USP49: variants seen among roughly 807,000 people sequenced by gnomAD.
USP49 encodes ubiquitin specific peptidase 49.
USP49 carries 24 observed loss-of-function variants against 58.6 expected under a neutral mutation model. The ratio of observed to expected loss-of-function variants is 0.41; its 90% CI spans 0.30 to 0.58. The LOEUF (loss-of-function observed/expected upper bound fraction) is 0.58. Among genes scored for constraint, USP49 ranks in the 20% least tolerant of loss-of-function variants. The pLI, the probability that USP49 is intolerant of heterozygous loss-of-function variation, is 0.30. For synonymous variants in USP49, 408 were observed against 365.1 expected (o/e 1.12, Z -1.34); for missense variants, 703 against 866.1 (o/e 0.81, Z 2.36).
chr6:41,875,982 G>A (rs1016248747), intron 2 of USP49, among the ~76,000 whole-genome samples: 9 of 151,984 alleles, frequency 5.9e-5, no homozygotes, highest in Admixed American at 4.6e-4. Flanking sequence ...CACCTGCCTC[G>A]GCCTCCCAAA....
intron 3 of USP49, among the ~76,000 whole-genome samples, chr6:41,850,794 G>A (rs910526458): frequency 3.3e-5 from 5 of 151,750 alleles, no homozygotes; most frequent in East Asian, 1.9e-4. Context: ...GTAGAGATGC[G>A]GTTTCACCAT....
At chr6:41,819,764 C>T (rs1208691420) in intron 3 of USP49, among the ~76,000 whole-genome samples, 1 of 152,120 alleles carries the variant, frequency 6.6e-6, no homozygotes, top group Non-Finnish European at 1.5e-5. Flanking sequence ...ACTAGACCTC[C>T]CTGATTCAAT....
chr6:41,795,783 C>T lies in USP49; in HGVS notation c.*750G>A, dbSNP rs1353012557. On this transcript the variant is annotated 3_prime_UTR_variant, in exon 8 of 8. Transcript: ENST00000682992. Reference sequence around the variant, plus strand: ...AGATAGCCAGGAGTGTCCTTTGGCTCAGCATGGAACATGTGCTAGTCTATT... The same window carrying T: ...AGATAGCCAGGAGTGTCCTTTGGCTTAGCATGGAACATGTGCTAGTCTATT... 6.6e-6 allele frequency: 1 copy of T among 152,208 alleles called. No individual in the cohort carries two copies. The highest frequency in any genetic ancestry group is 1.5e-5 in the Non-Finnish European group (1 of 68,044). The allele number at this position is 152,208 out of a possible 1,614,324, so 9.4% of individuals were successfully genotyped here. A position where few individuals can be genotyped will look rare whatever the true frequency, so the allele number is the denominator to read the frequency against.
rs1774412509 is a variant in USP49, at chr6:41,871,546, A to T, written c.-29+18T>A. The T allele has an allele frequency of 6.6e-6, 1 of 152,204 alleles. No individual in the cohort carries two copies. The allele number at this position is 152,204 out of a possible 1,614,324, so 9.4% of individuals were successfully genotyped here. A position where few individuals can be genotyped will look rare whatever the true frequency, so the allele number is the denominator to read the frequency against. On this transcript the variant is annotated intron_variant, in intron 3 of 7. Coordinates refer to ENST00000682992, the MANE Select transcript of USP49 (RefSeq NM_001286554.2). Reference sequence around the variant, plus strand: ...TAGCTTTCATTAATAATGTTTTATTACAGTTTTTATTTCTTACCCATTAAA... The same window carrying T: ...TAGCTTTCATTAATAATGTTTTATTTCAGTTTTTATTTCTTACCCATTAAA...
At position 41,796,244 on chromosome 6, in the gene USP49, C is replaced by CG. The variant is rs1772884296; in HGVS notation, c.*288_*289insC. Reference sequence around the variant, plus strand: ...TGTGTGGATATGATTGATTTACCCCCCCGCCCCGCTTTCCTCCACCCAGAT... The same window carrying CG: ...TGTGTGGATATGATTGATTTACCCCCGCCGCCCCGCTTTCCTCCACCCAGAT... On this transcript the variant is annotated 3_prime_UTR_variant, in exon 8 of 8. Coordinates refer to ENST00000682992, the MANE Select transcript of USP49 (RefSeq NM_001286554.2). 1 of 306,334 alleles carries CG rather than the reference C, an allele frequency of 3.3e-6. No homozygotes were observed. Among genetic ancestry groups the CG allele is most frequent in the Non-Finnish European group, 6.2e-6 (1 of 162,286 alleles). 19.0% of individuals were successfully genotyped at this position (306,334 alleles called of 1,614,324 possible). A position where few individuals can be genotyped will look rare whatever the true frequency, so the allele number is the denominator to read the frequency against.
At chr6:41,885,941 G>C (rs1025533338) in intron 2 of USP49, among the ~76,000 whole-genome samples, 4 of 152,206 alleles carry the variant, frequency 2.6e-5, no homozygotes, top group African/African-American at 7.2e-5. Flanking sequence ...CTTCATTAAA[G>C]CACACTTACC....
chr6:41,874,020 G>A (rs757322193), intron 2 of USP49: 8 of 152,128 alleles, frequency 5.3e-5, no homozygotes, highest in Non-Finnish European at 1.2e-4. Context: ...TGTGGAAGAC[G>A]TCCCTTTAAA....
chr6:41,879,252 A>G (rs974599538), intron 2 of USP49, among the ~76,000 whole-genome samples: 2 of 152,172 alleles, frequency 1.3e-5, no homozygotes, highest in Non-Finnish European at 2.9e-5. Context: ...TTTTTGAAAC[A>G]GGGTCTTCCT....
chr6:41,869,919 C>A (rs754287623), intron 3 of USP49, among the ~76,000 whole-genome samples: 2 of 152,166 alleles, frequency 1.3e-5, no homozygotes, highest in Non-Finnish European at 2.9e-5. Flanking sequence ...CATATACACC[C>A]TAAGATATAC....
At position 41,803,686 on chromosome 6, in the gene USP49, T is replaced by C; in HGVS notation, c.1561+120A>G. 1 of 1,059,132 alleles carries C rather than the reference T, an allele frequency of 9.4e-7. No homozygotes were observed. The highest frequency in any genetic ancestry group is 1.4e-6 in the Non-Finnish European group (1 of 732,272). The allele number at this position is 1,059,132 out of a possible 1,614,324, so 65.6% of individuals were successfully genotyped here. A position where few individuals can be genotyped will look rare whatever the true frequency, so the allele number is the denominator to read the frequency against. On this transcript the variant is annotated intron_variant, in intron 5 of 7. Coordinates refer to ENST00000682992, the MANE Select transcript of USP49 (RefSeq NM_001286554.2). The surrounding 1 kb of genome is among the most constrained non-coding windows in gnomAD (Gnocchi z 4.1). ...ATGGGAGAAAAAGATCTTTAAAAGA[T>C]GCTTTAGAACCATTCAATATCATTA...
chr6:41,881,078 G>A (rs1174630444), intron 2 of USP49, among the ~76,000 whole-genome samples: 1 of 151,418 alleles, frequency 6.6e-6, no homozygotes, highest in Non-Finnish European at 1.5e-5. Context: ...GATTACAGGC[G>A]CCTGCCACCA....
At chr6:41,889,852 G>T (rs1582042354) in intron 2 of USP49, among the ~76,000 whole-genome samples, 1 of 152,232 alleles carries the variant, frequency 6.6e-6, no homozygotes, top group East Asian at 1.9e-4. Context: ...GAGAGAAAAT[G>T]ATAAAGCAAA....
chr6:41,792,377 A>G lies in USP49; in HGVS notation c.*4156T>C, dbSNP rs1275419307. ...GAATCATTTTTGTTTGACTTCTGCTATATGTTGCCCAGCATTAGTCATTGT... is the reference window on the plus strand; with the variant it reads ...GAATCATTTTTGTTTGACTTCTGCTGTATGTTGCCCAGCATTAGTCATTGT... On this transcript the variant is annotated 3_prime_UTR_variant, in exon 8 of 8. Transcript: ENST00000682992. The G allele has an allele frequency of 2.0e-5, 3 of 152,244 alleles. No individual in the cohort carries two copies. The highest frequency in any genetic ancestry group is 4.8e-5 in the African/African-American group (2 of 41,460). 9.4% of individuals were successfully genotyped at this position (152,244 alleles called of 1,614,324 possible).
rs1273852501 is a variant in USP49 at position 41,794,535 on chromosome 6, T to C, written c.*1998A>G. On this transcript the variant is annotated 3_prime_UTR_variant, in exon 8 of 8. Transcript: ENST00000682992. The stretch of plus-strand genomic sequence containing the variant: ...ATTCATAGTTTCCTTTCCTTTTTAC[T>C]CTCCTTGGTTTTTTTGAGTTAATGG... 6.6e-6 allele frequency: 1 copy of C among 152,192 alleles called. No individual in the cohort carries two copies. Among genetic ancestry groups the C allele is most frequent in the Non-Finnish European group, 1.5e-5 (1 of 68,034 alleles). 9.4% of individuals were successfully genotyped at this position (152,192 alleles called of 1,614,324 possible).
In USP49 at chr6:41,805,838, G is replaced by C. The variant is rs2185798; in HGVS notation, c.1146C>G (p.Leu382=). 0.5 allele frequency: 808,779 copies of C among 1,613,604 alleles called. 205,419 individuals are homozygous for C. The highest frequency in any genetic ancestry group is 0.7 in the Admixed American group (41,694 of 59,976). ...CAGGGATCAGGCTCCACACTGAGTGGAGCATGGCGAAGGGCGACACTAGGG... is the reference window on the plus strand; with the variant it reads ...CAGGGATCAGGCTCCACACTGAGTGCAGCATGGCGAAGGGCGACACTAGGG... The part of the protein sequence containing the change: ...KWALVSPFAM[L]HSVWSLIPAF... Residue 382 remains leucine (L), a synonymous_variant, in exon 4 of 8, where the codon CTC becomes CTG. Coordinates refer to ENST00000682992, the MANE Select transcript of USP49 (RefSeq NM_001286554.2).
chr6:41,820,181 G>GTTTTT (rs58334288), intron 3 of USP49, among the ~76,000 whole-genome samples: 2 of 148,032 alleles, frequency 1.4e-5, no homozygotes, highest in Admixed American at 6.7e-5. Flanking sequence ...TACATCATTA[G>GTTTTT]TTTTTTTTTT....
At chr6:41,835,015 G>C (rs1041945210) in intron 3 of USP49, among the ~76,000 whole-genome samples, 2 of 152,198 alleles carry the variant, frequency 1.3e-5, no homozygotes, top group Non-Finnish European at 2.9e-5. Flanking sequence ...AATAAGGAAA[G>C]AAGACTGATG....
chr6:41,877,448 T>G (rs1774521378), intron 2 of USP49, among the ~76,000 whole-genome samples: 1 of 152,208 alleles, frequency 6.6e-6, no homozygotes, highest in East Asian at 1.9e-4. Flanking sequence ...TGAGCTAGAC[T>G]GGGAGAAAGG....
chr6:41,884,411 GC>G (rs1196546234), intron 2 of USP49, among the ~76,000 whole-genome samples: 1 of 152,168 alleles, frequency 6.6e-6, no homozygotes, highest in African/African-American at 2.4e-5. Context: ...GAATTCTATA[GC>G]CAAATTCTAC....
Sources: gnomAD v4.1 joint callset for allele counts (sites outside exome capture counted in the v4.1 genomes callset) on GRCh38, gnomAD v4.1.1 for gene constraint, Gnocchi (gnomAD v3.1) non-coding constraint, MANE v1.5 for transcripts, NCBI Gene and HGNC (gene_info 2026-07-23, HGNC 2026-07-21) for gene names.